NDUFAF2: variants seen among roughly 807,000 people sequenced by gnomAD.
NDUFAF2 encodes the protein NADH dehydrogenase [ubiquinone] 1 alpha subcomplex assembly factor 2.
A neutral mutation model predicts 22.8 loss-of-function variants in NDUFAF2; 13 were observed. The observed-to-expected ratio is 0.57, with a 90% confidence interval of 0.37 to 0.91. NDUFAF2 has a LOEUF of 0.91. NDUFAF2 is among the 40% of genes least tolerant of loss of function. The pLI is 0.01. For missense variants in NDUFAF2, 162 were observed against 195.2 expected (o/e 0.83, Z 1.01); for synonymous variants, 53 against 64.2 (o/e 0.83, Z 0.84).
chr5:60,950,587 C>A (rs1360421840), intron 1 of NDUFAF2, among the ~76,000 whole-genome samples: 1 of 148,756 alleles, frequency 6.7e-6, no homozygotes, highest in Non-Finnish European at 1.5e-5. Context: ...TGAGCGCTTT[C>A]TCTTATGAAT....
chr5:61,049,061 AGAGTT>A (rs1466390646), intron 1 of NDUFAF2, among the ~76,000 whole-genome samples: 2 of 152,188 alleles, frequency 1.3e-5, no homozygotes, highest in Non-Finnish European at 2.9e-5. Context: ...ATATTATATT[AGAGTT>A]TTGTGTTCTT....
At chr5:61,119,105 A>G (rs1278440088) in intron 3 of NDUFAF2, among the ~76,000 whole-genome samples, 9 of 152,218 alleles carry the variant, frequency 5.9e-5, no homozygotes, top group African/African-American at 2.2e-4. Flanking sequence ...GGATAAACTG[A>G]AAAATGGGAT....
At chr5:60,984,070 T>C (rs1751031741) in intron 1 of NDUFAF2, among the ~76,000 whole-genome samples, 1 of 152,230 alleles carries the variant, frequency 6.6e-6, no homozygotes, top group South Asian at 2.1e-4. Context: ...TCCTCTTTTA[T>C]TTCATTGAGC....
At chr5:60,991,934 C>T (rs925646354) in intron 1 of NDUFAF2, among the ~76,000 whole-genome samples, 1 of 152,164 alleles carries the variant, frequency 6.6e-6, no homozygotes, top group Non-Finnish European at 1.5e-5. Flanking sequence ...AGGGTTCATT[C>T]TTCTCCACAT....
chr5:61,014,739 C>T (rs1365277866), intron 1 of NDUFAF2, among the ~76,000 whole-genome samples: 1 of 152,170 alleles, frequency 6.6e-6, no homozygotes, highest in Non-Finnish European at 1.5e-5. Context: ...AAAACCCCCA[C>T]ATATTTGATT....
intron 1 of NDUFAF2, among the ~76,000 whole-genome samples, chr5:61,024,525 T>C (rs1751626474): frequency 6.6e-6 from 1 of 152,042 alleles, no homozygotes; most frequent in East Asian, 1.9e-4. Context: ...AGACACGTCA[T>C]TTTCATTCTA....
chr5:61,008,209 G>A (rs1298789761), intron 1 of NDUFAF2, among the ~76,000 whole-genome samples: 4 of 151,008 alleles, frequency 2.6e-5, no homozygotes, highest in Non-Finnish European at 4.4e-5. Context: ...GCTAATTGAC[G>A]AGTTAATGGG....
At chr5:61,093,400 T>C (rs753129127) in intron 2 of NDUFAF2, among the ~76,000 whole-genome samples, 2 of 152,246 alleles carry the variant, frequency 1.3e-5, no homozygotes, top group Non-Finnish European at 2.9e-5. Context: ...GGATTTGTCA[T>C]ATATGGCTCT....
intron 1 of NDUFAF2, among the ~76,000 whole-genome samples, chr5:60,966,774 G>A (rs570709179): frequency 2.9e-4 from 44 of 152,220 alleles, no homozygotes; most frequent in African/African-American, 1.1e-3. Context: ...AAATCAAGTA[G>A]TGTGGTGCCT....
At chr5:61,149,576 A>G (rs2111834847) in intron 3 of NDUFAF2, among the ~76,000 whole-genome samples, 1 of 152,352 alleles carries the variant, frequency 6.6e-6, no homozygotes, top group Admixed American at 6.5e-5. Flanking sequence ...ATAAAATAAC[A>G]TTCAGCCATC....
intron 2 of NDUFAF2, among the ~76,000 whole-genome samples, chr5:61,073,870 A>G (rs1752333213): frequency 2.0e-5 from 3 of 152,244 alleles, no homozygotes; most frequent in African/African-American, 7.2e-5. Flanking sequence ...TTTATTGCAT[A>G]AAAAGCTAAT....
intron 1 of NDUFAF2, among the ~76,000 whole-genome samples, chr5:60,987,771 G>A (rs1751102139): frequency 6.6e-6 from 1 of 151,356 alleles, no homozygotes. Flanking sequence ...AGGCATTGAA[G>A]GAATGCAAAT....
intron 1 of NDUFAF2, among the ~76,000 whole-genome samples, chr5:61,001,948 A>G (rs80108192): frequency 0.016 from 2,400 of 152,188 alleles, 76 homozygotes; most frequent in African/African-American, 0.055. Flanking sequence ...TAGCAGCTGG[A>G]CTAAGGATTT....
intron 3 of NDUFAF2, among the ~76,000 whole-genome samples, chr5:61,146,568 A>C (rs924396282): frequency 9.9e-5 from 15 of 152,136 alleles, no homozygotes; most frequent in African/African-American, 2.9e-4. Context: ...ATGAGAACTC[A>C]GTGTTATTTC....
At chr5:61,098,141 A>G (rs295533) in intron 2 of NDUFAF2, among the ~76,000 whole-genome samples, 91,412 of 152,004 alleles carry the variant, frequency 0.6, 28,237 homozygotes, top group East Asian at 0.94. Context: ...TTCAAAGTAA[A>G]CATTTATGTA....
intron 1 of NDUFAF2, among the ~76,000 whole-genome samples, chr5:61,028,221 A>G (rs1439770391): frequency 6.6e-6 from 1 of 152,024 alleles, no homozygotes; most frequent in Non-Finnish European, 1.5e-5. Context: ...ATAGAGTTCT[A>G]CATATTTTCC....
chr5:61,018,363 A>G (rs1266970506), intron 1 of NDUFAF2, among the ~76,000 whole-genome samples: 1 of 152,208 alleles, frequency 6.6e-6, no homozygotes, highest in African/African-American at 2.4e-5. Flanking sequence ...AGTGATAGAG[A>G]AAATGTTAAT....
intron 2 of NDUFAF2, among the ~76,000 whole-genome samples, chr5:61,096,492 G>A (rs1256199594): frequency 1.3e-5 from 2 of 151,588 alleles, no homozygotes; most frequent in Non-Finnish European, 1.5e-5. Flanking sequence ...CCAGCTACTC[G>A]GGGGGCTGAG....
At chr5:61,133,362 A>G (rs1314031385) in intron 3 of NDUFAF2, among the ~76,000 whole-genome samples, 6 of 152,134 alleles carry the variant, frequency 3.9e-5, no homozygotes, top group Non-Finnish European at 8.8e-5. Flanking sequence ...ATGAGTGGTG[A>G]TATATTTTAA....
Sources: gnomAD v4.1 joint callset for allele counts (sites outside exome capture counted in the v4.1 genomes callset) on GRCh38, gnomAD v4.1.1 for gene constraint, MANE v1.5 for transcripts, NCBI Gene and HGNC (gene_info 2026-07-23, HGNC 2026-07-21) for gene names.